WDR7: variants seen among roughly 807,000 people sequenced by gnomAD.
WDR7 encodes the protein WD repeat domain 7, also known as WD repeat-containing protein 7.
Under a neutral mutation model 169.4 loss-of-function variants are expected in WDR7, and 46 were observed. The observed-to-expected ratio is 0.27, with a 90% CI of 0.21 to 0.35. The LOEUF is 0.35. WDR7 is among the 10% of genes least tolerant of loss of function. The pLI is 1.00. For synonymous variants in WDR7, 612 were observed against 666.8 expected (o/e 0.92, Z 1.27); for missense variants, 1,534 against 1,859.3 (o/e 0.83, Z 3.22).
intron 20 of WDR7, among the ~76,000 whole-genome samples, chr18:56,860,944 A>T (rs1467673608): frequency 6.6e-6 from 1 of 152,142 alleles, no homozygotes; most frequent in African/African-American, 2.4e-5. Flanking sequence ...CATAGTAAAA[A>T]GTGTATCTTT....
chr18:56,908,924 T>A (rs879574830), intron 21 of WDR7, among the ~76,000 whole-genome samples: 103 of 152,208 alleles, frequency 6.8e-4, no homozygotes, highest in Non-Finnish European at 1.4e-3. Flanking sequence ...AATAGTCAAT[T>A]TTCAAGTCTA....
intron 20 of WDR7, among the ~76,000 whole-genome samples, chr18:56,830,677 A>G (rs958818366): frequency 2.0e-5 from 3 of 152,194 alleles, no homozygotes; most frequent in Non-Finnish European, 4.4e-5. Context: ...CCCTTAAACA[A>G]GTGATCTTTC....
chr18:56,734,524 GA>G (rs111344360), intron 14 of WDR7, among the ~76,000 whole-genome samples: 5,971 of 76,054 alleles, frequency 0.079, 345 homozygotes, highest in African/African-American at 0.22. Flanking sequence ...CACTGCTTTT[GA>G]AAAAAAAAAA....
intron 16 of WDR7, among the ~76,000 whole-genome samples, chr18:56,771,395 G>A (rs1183781209): frequency 6.6e-6 from 1 of 152,132 alleles, no homozygotes; most frequent in Admixed American, 6.5e-5. Context: ...AGAGGATGAT[G>A]AAGATTGGTT....
At chr18:56,911,496 T>C (rs144422194) in intron 21 of WDR7, among the ~76,000 whole-genome samples, 4 of 152,310 alleles carry the variant, frequency 2.6e-5, no homozygotes, top group African/African-American at 9.6e-5. Context: ...TCAGTGTTTG[T>C]CCATTTACCA....
intron 21 of WDR7, among the ~76,000 whole-genome samples, chr18:56,919,634 G>A (rs1052993943): frequency 6.6e-6 from 1 of 152,202 alleles, no homozygotes; most frequent in African/African-American, 2.4e-5. Context: ...GATATAAATT[G>A]TGTACTAGTT....
chr18:56,723,467 G>C (rs531622242), intron 13 of WDR7, among the ~76,000 whole-genome samples: 5 of 151,910 alleles, frequency 3.3e-5, no homozygotes, highest in Non-Finnish European at 5.9e-5. Flanking sequence ...CATTTTTAAA[G>C]GCTATTTTCT....
chr18:56,924,104 G>A lies in WDR7; in HGVS notation c.3709G>A (p.Ala1237Thr), dbSNP rs750240477. The A allele has an allele frequency of 4.1e-5, 66 of 1,611,490 alleles. No homozygotes were observed. In the East Asian group the frequency reaches 1.4e-3, roughly 34 times the overall value. Residue 1237 changes from alanine to threonine, a missense_variant, in exon 22 of 28, where the codon GCC (alanine) becomes ACC (threonine). Coordinates refer to ENST00000254442, the MANE Select transcript of WDR7 (RefSeq NM_015285.3). ...ELCADAEKQL[A>T]NITMGLPLSP... ...TTGTGCCGATGCCGAGAAACAACTT[G>A]CCAAGTATGTGTGGATTCCGGTTAA...
intron 12 of WDR7, among the ~76,000 whole-genome samples, chr18:56,701,126 G>C (rs2025824551): frequency 6.6e-6 from 1 of 152,340 alleles, no homozygotes; most frequent in South Asian, 2.1e-4. Flanking sequence ...TTACATTTTA[G>C]AAGGAGGATA....
chr18:56,836,417 T>A (rs971283371), intron 20 of WDR7, among the ~76,000 whole-genome samples: 1 of 152,236 alleles, frequency 6.6e-6, no homozygotes, highest in Admixed American at 6.5e-5. Flanking sequence ...GGGCGGATCC[T>A]GTCAGCACAT....
At chr18:56,966,829 C>T (rs2047416144) in intron 26 of WDR7, among the ~76,000 whole-genome samples, 1 of 152,064 alleles carries the variant, frequency 6.6e-6, no homozygotes, top group Admixed American at 6.6e-5. Flanking sequence ...AGGGAGATTT[C>T]CTTCTAACTG....
intron 19 of WDR7, among the ~76,000 whole-genome samples, chr18:56,788,781 T>C (rs2044441429): frequency 6.6e-6 from 1 of 152,164 alleles, no homozygotes. Flanking sequence ...TCTTCAAAAA[T>C]ATTTGTAATA....
chr18:56,744,338 G>C (rs1237661498), intron 14 of WDR7, among the ~76,000 whole-genome samples: 1 of 151,412 alleles, frequency 6.6e-6, no homozygotes, highest in Admixed American at 6.6e-5. Flanking sequence ...ATTGAGGAGA[G>C]AGCATTCCTA....
chr18:56,682,167 A>G (rs964699819), intron 4 of WDR7, among the ~76,000 whole-genome samples: 2 of 152,206 alleles, frequency 1.3e-5, no homozygotes, highest in Admixed American at 6.5e-5. Flanking sequence ...ATCATTTTAC[A>G]TATAAGGAAG....
chr18:56,961,535 T>C (rs2047339618), intron 25 of WDR7, among the ~76,000 whole-genome samples: 1 of 152,180 alleles, frequency 6.6e-6, no homozygotes, highest in South Asian at 2.1e-4. Flanking sequence ...TATTTGAAAC[T>C]ATTCGCAGAT....
chr18:56,894,285 T>A (rs1343023791), intron 21 of WDR7, among the ~76,000 whole-genome samples: 4 of 152,026 alleles, frequency 2.6e-5, no homozygotes, highest in Non-Finnish European at 5.9e-5. Context: ...CATCCATGTT[T>A]GGCTCAAAAT....
chr18:56,755,624 A>G (rs1217660429), intron 14 of WDR7, among the ~76,000 whole-genome samples: 1 of 152,204 alleles, frequency 6.6e-6, no homozygotes, highest in Non-Finnish European at 1.5e-5. Flanking sequence ...GGATATCCCA[A>G]TACAAGCCAT....
At chr18:56,858,100 G>T (rs1306049061) in intron 20 of WDR7, among the ~76,000 whole-genome samples, 1 of 152,080 alleles carries the variant, frequency 6.6e-6, no homozygotes, top group Non-Finnish European at 1.5e-5. Context: ...TCAGCTGCTT[G>T]CTAGACTTCT....
intron 20 of WDR7, among the ~76,000 whole-genome samples, chr18:56,825,828 G>T (rs1243576013): frequency 6.6e-6 from 1 of 152,124 alleles, no homozygotes; most frequent in Non-Finnish European, 1.5e-5. Context: ...TAGAAATTCA[G>T]TATATGAAGA....
Sources: gnomAD v4.1 joint callset for allele counts (sites outside exome capture counted in the v4.1 genomes callset) on GRCh38, gnomAD v4.1.1 for gene constraint, MANE v1.5 for transcripts, NCBI Gene and HGNC (gene_info 2026-07-23, HGNC 2026-07-21) for gene names.